The following FBXO6 variants were observed in gnomAD, a reference collection of about 807,000 sequenced individuals.
FBXO6 encodes the protein F-box protein 6, also known as F-box only protein 6.
FBXO6 carries 13 observed loss-of-function variants against 25.0 expected under a neutral mutation model. That is an observed-to-expected ratio of 0.52 (90% CI 0.34 to 0.83). FBXO6 has a LOEUF of 0.83. Ranked by LOEUF, FBXO6 falls within the 40% of genes least tolerant of loss-of-function variation. FBXO6 has a pLI of 0.02. For synonymous variants in FBXO6, 138 were observed against 155.3 expected, an observed-to-expected ratio of 0.89 and a Z score of 0.83; for missense variants, 370 against 380.2, an observed-to-expected ratio of 0.97 and a Z score of 0.22.
At position 11,673,888 on chromosome 1, in the gene FBXO6, C is replaced by G; in HGVS notation, c.*37C>G. The G allele has an allele frequency of 6.3e-7, 1 of 1,598,400 alleles. No individual in the cohort carries two copies. The highest frequency in any genetic ancestry group is 1.3e-5 in the African/African-American group (1 of 74,756). On this transcript the variant is annotated 3_prime_UTR_variant, in exon 6 of 6. Transcript: ENST00000376753. This position sits in a 1 kb window ranked among gnomAD's most constrained non-coding sequence, Gnocchi z 4.3. ...CCTGTGTCTGGGTCAGCCAGAGGTT[C>G]CTCCAGGCAGGAGCTGAGCATGGGG...
chr1:11,665,661 G>C (rs12145133), intron 1 of FBXO6, among the ~76,000 whole-genome samples: 4 of 146,080 alleles, frequency 2.7e-5, no homozygotes, highest in Non-Finnish European at 6.0e-5. Context: ...CCCGGGTTCA[G>C]GTGATTCTCC....
Position 11,670,755 on chromosome 1 carries a change from C to G in FBXO6, c.287-511C>G, listed in dbSNP as rs919409421. Reference sequence around the variant, plus strand: ...TACAGGCGCAAGCCACCGTGCCCGGCTTCACATTAGTCTTTGAGGACAGTA... The same window carrying G: ...TACAGGCGCAAGCCACCGTGCCCGGGTTCACATTAGTCTTTGAGGACAGTA... On this transcript the variant is annotated intron_variant, in intron 2 of 5. Transcript: ENST00000376753. 2.6e-5 allele frequency among the ~76,000 whole-genome samples: 4 copies of G among 152,136 alleles called. No individual in the cohort carries two copies. The East Asian group carries it at 7.7e-4, about 29-fold the overall frequency.
rs576790610 is a variant in FBXO6, at chr1:11,665,190, AC to A, written c.-4+936del. On this transcript the variant is annotated intron_variant, in intron 1 of 5. Coordinates refer to ENST00000376753, the MANE Select transcript of FBXO6 (RefSeq NM_018438.6). ...CTCCTGCATAGCTGGGACTACAGGC[AC>A]GGGCCACCAGGCCTAGCTAATTTCT... 5.6e-5 allele frequency among the ~76,000 whole-genome samples: 8 copies of A among 142,304 alleles called. No individual in the cohort carries two copies. In the East Asian group the frequency reaches 1.7e-3, roughly 30 times the overall value. 93.4% of individuals were successfully genotyped at this position (142,304 alleles called of 152,430 possible).
intron 1 of FBXO6, among the ~76,000 whole-genome samples, chr1:11,666,087 G>A (rs1451668006): frequency 2.2e-5 from 3 of 134,586 alleles, no homozygotes; most frequent in African/African-American, 8.5e-5. Flanking sequence ...TGCCCAGGCT[G>A]GAGTGCCATG....
chr1:11,673,005 G>A lies in FBXO6; in HGVS notation c.510-272G>A, dbSNP rs977838924. 6.6e-6 allele frequency among the ~76,000 whole-genome samples: 1 copy of A among 152,188 alleles called. No homozygotes were observed. The highest frequency in any genetic ancestry group is 1.5e-5 in the Non-Finnish European group (1 of 68,032). The stretch of plus-strand genomic sequence containing the variant: ...TGGACAGACCAGGCCTCTCTGGAGG[G>A]GTCTTTTGATTTTTGAGGTCATATC... On this transcript the variant is annotated intron_variant, in intron 4 of 5. Coordinates refer to ENST00000376753, the MANE Select transcript of FBXO6 (RefSeq NM_018438.6). The surrounding 1 kb of genome is among the most constrained non-coding windows in gnomAD (Gnocchi z 4.3).
intron 1 of FBXO6, among the ~76,000 whole-genome samples, chr1:11,666,168 G>A (rs1048134881): frequency 3.3e-5 from 5 of 150,070 alleles, no homozygotes; most frequent in African/African-American, 1.2e-4. Flanking sequence ...CAGGCCTCAT[G>A]GACTGTAAGG....
intron 2 of FBXO6, among the ~76,000 whole-genome samples, chr1:11,669,941 G>T (rs1458024840): frequency 2.8e-5 from 4 of 141,442 alleles, no homozygotes; most frequent in Admixed American, 6.9e-5. Context: ...CGCCGGGGGC[G>T]GTGGCTCACG....
chr1:11,665,281 GTGGCGC>G, intron 1 of FBXO6, among the ~76,000 whole-genome samples: 1 of 130,950 alleles, frequency 7.6e-6, no homozygotes, highest in Non-Finnish European at 1.5e-5. Flanking sequence ...CTGGAGTGCA[GTGGCGC>G]GATCTCAGCT....
In FBXO6 at chr1:11,671,308, G is replaced by A. The variant is rs114311540; in HGVS notation, c.329G>A (p.Arg110His). Residue 110 changes from arginine (R) to histidine (H), a missense_variant, in exon 3 of 6, where the codon CGC (arginine) becomes CAC (histidine). By Grantham distance (29) the Arg-to-His change is conservative. Coordinates refer to ENST00000376753, the MANE Select transcript of FBXO6 (RefSeq NM_018438.6). ...AWQIDFNGGD[R>H]WKVESLPGAH... Reference sequence around the variant, plus strand: ...CAAATTGATTTCAATGGTGGGGACCGCTGGAAGGTGGAGAGCCTCCCTGGA... The same window carrying A: ...CAAATTGATTTCAATGGTGGGGACCACTGGAAGGTGGAGAGCCTCCCTGGA... 1,044 of 1,614,070 alleles carry A rather than the reference G, an allele frequency of 6.5e-4. 2 individuals are homozygous for A. The African/African-American group carries it at 0.012, about 18-fold the overall frequency.
intron 2 of FBXO6, 110 bp from the exon 3 acceptor site, chr1:11,671,156 G>T: frequency 7.2e-7 from 1 of 1,389,012 alleles, no homozygotes; most frequent in Non-Finnish European, 1.0e-6. Flanking sequence ...TGCCTCCCAA[G>T]AAGGTCACTA....
chr1:11,667,125 C>G (rs573799356), intron 1 of FBXO6, among the ~76,000 whole-genome samples: 1 of 148,754 alleles, frequency 6.7e-6, no homozygotes, highest in Non-Finnish European at 1.5e-5. Context: ...CCAGCCTGGG[C>G]AACAAGAGTG....
At chr1:11,667,851 G>C (rs1042460783) in intron 1 of FBXO6, among the ~76,000 whole-genome samples, 1 of 152,170 alleles carries the variant, frequency 6.6e-6, no homozygotes. Context: ...CCAGCACTTT[G>C]GGAGGCCGAG....
rs1213578985 is a variant in FBXO6, at chr1:11,671,381, C to G, written c.402C>G (p.Val134=). 3 of 1,613,964 alleles carry G rather than the reference C, an allele frequency of 1.9e-6. No homozygotes were observed. In the Admixed American group the frequency reaches 5.0e-5, roughly 27 times the overall value. Reference sequence around the variant, plus strand: ...ACCCCAAAGTCAAGAAGTATTTTGTCACATCCTACGAGTAAGGCAAACTGA... The same window carrying G: ...ACCCCAAAGTCAAGAAGTATTTTGTGACATCCTACGAGTAAGGCAAACTGA... ...FPDPKVKKYF[V]TSYEMCLKSQ... Residue 134 remains valine, a synonymous_variant, in exon 3 of 6, where the codon GTC becomes GTG. Transcript: ENST00000376753.
chr1:11,671,355 G>C lies in FBXO6; in HGVS notation c.376G>C (p.Asp126His). The C allele has an allele frequency of 6.2e-7, 1 of 1,614,092 alleles. No individual in the cohort carries two copies. Among genetic ancestry groups the C allele is most frequent in the Non-Finnish European group, 8.5e-7 (1 of 1,179,980 alleles). ...LPGAHGTDFP[D>H]PKVKKYFVTS... ...TGGAGCCCACGGGACAGATTTTCCT[G>C]ACCCCAAAGTCAAGAAGTATTTTGT... Residue 126 changes from aspartate to histidine, a missense_variant, in exon 3 of 6, where the codon GAC becomes CAC. Asp to His is a moderately conservative substitution (Grantham distance 81, BLOSUM62 -1). Coordinates refer to ENST00000376753, the MANE Select transcript of FBXO6 (RefSeq NM_018438.6).
rs1640667286 is a variant in FBXO6, at chr1:11,673,008, C to A, written c.510-269C>A. Among the ~76,000 whole-genome samples the A allele has an allele frequency of 6.6e-6, 1 of 152,188 alleles. No individual in the cohort carries two copies. On this transcript the variant is annotated intron_variant, in intron 4 of 5. Coordinates refer to ENST00000376753, the MANE Select transcript of FBXO6 (RefSeq NM_018438.6). The surrounding 1 kb of genome is among the most constrained non-coding windows in gnomAD (Gnocchi z 4.3). Reference sequence around the variant, plus strand: ...ACAGACCAGGCCTCTCTGGAGGGGTCTTTTGATTTTTGAGGTCATATCTTT... The same window carrying A: ...ACAGACCAGGCCTCTCTGGAGGGGTATTTTGATTTTTGAGGTCATATCTTT...
chr1:11,668,710 G>A lies in FBXO6; in HGVS notation c.52G>A (p.Glu18Lys), dbSNP rs373737269. The A allele has an allele frequency of 2.7e-5, 43 of 1,614,038 alleles. No homozygotes were observed. The African/African-American group carries it at 3.7e-4, about 14-fold the overall frequency. Residue 18 changes from glutamate to lysine, a missense_variant, in exon 2 of 6, where the codon GAG (glutamate) becomes AAG (lysine). Glu to Lys is a moderately conservative substitution (Grantham distance 56). Coordinates refer to ENST00000376753, the MANE Select transcript of FBXO6 (RefSeq NM_018438.6). The stretch of plus-strand genomic sequence containing the variant: ...CCTGGACAGCATTAACGAGCTGCCC[G>A]AGAACATCCTGCTGGAGCTGTTCAC... ...AALDSINELP[E>K]NILLELFTHV...
chr1:11,673,989 T>A lies in FBXO6; in HGVS notation c.*138T>A, dbSNP rs1166046950. The A allele has an allele frequency of 5.5e-6, 4 of 725,452 alleles. No homozygotes were observed. Among genetic ancestry groups the A allele is most frequent in the Non-Finnish European group, 9.5e-6 (4 of 419,286 alleles). 44.9% of individuals were successfully genotyped at this position (725,452 alleles called of 1,614,324 possible). A position where few individuals can be genotyped will look rare whatever the true frequency, so the allele number is the denominator to read the frequency against. On this transcript the variant is annotated 3_prime_UTR_variant, in exon 6 of 6. Transcript: ENST00000376753. This position sits in a 1 kb window ranked among gnomAD's most constrained non-coding sequence, Gnocchi z 4.3. ...CAGCTTGTGGTAACTTACTGTCACA[T>A]AGCTCTGACGTTTTGTTGTAATAAA...
At chr1:11,666,056 T>C (rs2100684464) in intron 1 of FBXO6, among the ~76,000 whole-genome samples, 1 of 139,968 alleles carries the variant, frequency 7.1e-6, no homozygotes, top group South Asian at 2.3e-4. Flanking sequence ...TTTTTTTTTT[T>C]TTGAGACAGT....
intron 1 of FBXO6, among the ~76,000 whole-genome samples, chr1:11,668,362 A>G (rs553480966): frequency 6.7e-6 from 1 of 149,860 alleles, no homozygotes; most frequent in Admixed American, 6.6e-5. Context: ...GCTACTGTTT[A>G]CTGGAAGGAC....
Sources: gnomAD v4.1 joint callset for allele counts (sites outside exome capture counted in the v4.1 genomes callset) on GRCh38, gnomAD v4.1.1 for gene constraint, Gnocchi (gnomAD v3.1) non-coding constraint, MANE v1.5 for transcripts, NCBI Gene and HGNC (gene_info 2026-07-23, HGNC 2026-07-21) for gene names.